Variants in LDHB observed in about 807,000 individuals in gnomAD.
LDHB encodes the protein lactate dehydrogenase B, also known as L-lactate dehydrogenase B chain.
In LDHB, 18 loss-of-function variants were observed where a neutral mutation model predicts 33.4. The ratio of observed to expected loss-of-function variants is 0.54; its 90% CI spans 0.37 to 0.80. The LOEUF is 0.80. LDHB is among the 30% of genes least tolerant of loss of function. The pLI is 0.00. For synonymous variants in LDHB, 121 were observed against 140.6 expected, an observed-to-expected ratio of 0.86 and a Z score of 0.98; for missense variants, 345 against 407.9, an observed-to-expected ratio of 0.85 and a Z score of 1.33.
intron 2 of LDHB, among the ~76,000 whole-genome samples, chr12:21,649,783 A>G (rs1938628831): frequency 6.6e-6 from 1 of 151,938 alleles, no homozygotes; most frequent in Non-Finnish European, 1.5e-5. Context: ...TTAATATTTG[A>G]TGGTTTCATT....
chr12:21,646,145 T>C (rs1173653274), intron 3 of LDHB, among the ~76,000 whole-genome samples: 1 of 152,170 alleles, frequency 6.6e-6, no homozygotes, highest in Non-Finnish European at 1.5e-5. Context: ...ATGGGAAGAC[T>C]AATTTTATAA....
chr12:21,653,032 T>G (rs991214256), intron 2 of LDHB, among the ~76,000 whole-genome samples: 2 of 152,192 alleles, frequency 1.3e-5, no homozygotes, highest in African/African-American at 4.8e-5. Flanking sequence ...GCATTTTTGT[T>G]GTTGTTTCTA....
chr12:21,653,615 T>C (rs1316838044), intron 2 of LDHB, among the ~76,000 whole-genome samples: 11 of 151,680 alleles, frequency 7.3e-5, no homozygotes. Flanking sequence ...TAGATCTCTG[T>C]ATCTATAAAT....
chr12:21,645,785 C>T (rs887907665), intron 3 of LDHB, among the ~76,000 whole-genome samples: 34 of 152,060 alleles, frequency 2.2e-4, no homozygotes, highest in Non-Finnish European at 1.0e-4. Flanking sequence ...AGACTGGTGC[C>T]GGCGTGGGTC....
Position 21,637,060 on chromosome 12 carries a change from G to A in LDHB, c.837+11C>T. ...AGAAATCATATTACATTTTGTGGTA[G>A]TTTGTCTTACCTTTACCATTGTTGA... On this transcript the variant is annotated intron_variant, in intron 7 of 7. Coordinates refer to ENST00000350669, the MANE Select transcript of LDHB (RefSeq NM_002300.8). The A allele has an allele frequency of 6.3e-7, 1 of 1,595,306 alleles. No individual in the cohort carries two copies. Among genetic ancestry groups the A allele is most frequent in the Non-Finnish European group, 8.6e-7 (1 of 1,165,218 alleles).
chr12:21,646,752 T>A lies in LDHB; in HGVS notation c.247+147A>T. The A allele has an allele frequency of 3.2e-6, 2 of 620,890 alleles. 1 individual carries two copies. Among genetic ancestry groups the A allele is most frequent in the Admixed American group, 5.4e-5 (2 of 36,836 alleles). 38.5% of individuals were successfully genotyped at this position (620,890 alleles called of 1,614,324 possible). On this transcript the variant is annotated intron_variant, in intron 3 of 7. Transcript: ENST00000350669. ...AATTTGCTAAACTACATTATAAATA[T>A]CTTATTAACAGTTATTGAAATAACT...
Position 21,654,438 on chromosome 12 carries a change from GA to G in LDHB, c.129+104del, listed in dbSNP as rs1591836654. ...ACATCTACAACTTCAAATTGCTCAG[GA>G]AAAAAAGAAATCTTTTAAAGATATA... is the stretch of plus-strand genomic sequence containing the variant. On this transcript the variant is annotated intron_variant, in intron 2 of 7. Coordinates refer to ENST00000350669, the MANE Select transcript of LDHB (RefSeq NM_002300.8). 13 of 1,145,032 alleles carry G rather than the reference GA, an allele frequency of 1.1e-5. No homozygotes were observed. In the East Asian group the frequency reaches 2.4e-4, roughly 21 times the overall value. The allele number at this position is 1,145,032 out of a possible 1,614,324, so 70.9% of individuals were successfully genotyped here. A position where few individuals can be genotyped will look rare whatever the true frequency, so the allele number is the denominator to read the frequency against.
intron 2 of LDHB, among the ~76,000 whole-genome samples, chr12:21,648,020 C>T (rs1358790376): frequency 1.0e-5 from 1 of 99,718 alleles, no homozygotes; most frequent in Non-Finnish European, 2.1e-5. Context: ...TCAATATCTA[C>T]ATAAAAGTGA....
intron 2 of LDHB, among the ~76,000 whole-genome samples, chr12:21,648,959 C>A (rs774180100): frequency 6.6e-6 from 1 of 152,162 alleles, no homozygotes; most frequent in East Asian, 1.9e-4. Context: ...CAAATACTGG[C>A]GTTAATTTTT....
chr12:21,639,912 A>G (rs1938323497), intron 5 of LDHB, among the ~76,000 whole-genome samples: 1 of 152,000 alleles, frequency 6.6e-6, no homozygotes, highest in Non-Finnish European at 1.5e-5. Flanking sequence ...AAAAAATCAG[A>G]AATAAATTAT....
At chr12:21,645,239 A>AAGGGC (rs1938487538) in intron 3 of LDHB, among the ~76,000 whole-genome samples, 1 of 151,866 alleles carries the variant, frequency 6.6e-6, no homozygotes, top group East Asian at 1.9e-4. Context: ...TACACTATGG[A>AAGGGC]AGGCCGCAGG....
chr12:21,651,292 T>C (rs1938682486), intron 2 of LDHB, among the ~76,000 whole-genome samples: 1 of 152,192 alleles, frequency 6.6e-6, no homozygotes, highest in African/African-American at 2.4e-5. Context: ...GTGTAGCATA[T>C]GTGCACTGTA....
chr12:21,638,356 TC>T lies in LDHB; in HGVS notation c.709del (p.Glu237LysfsTer9). The T allele has an allele frequency of 6.5e-7, 1 of 1,547,534 alleles. No individual in the cohort carries two copies. The highest frequency in any genetic ancestry group is 8.9e-7 in the Non-Finnish European group (1 of 1,119,982). ...AATCAAGTTCCCTTTCACTTACCTT[TC>T]AACCACCATCTTATGCACTTCCTTC... ...NWKEVHKMVV[E>X]SAYEVIKLKG... On this transcript the variant is annotated frameshift_variant, in exon 6 of 8. Coordinates refer to ENST00000350669, the MANE Select transcript of LDHB (RefSeq NM_002300.8). LOFTEE classifies it high-confidence loss of function.
intron 1 of LDHB, among the ~76,000 whole-genome samples, chr12:21,655,206 T>G (rs1938807652): frequency 6.6e-6 from 1 of 152,254 alleles, no homozygotes; most frequent in African/African-American, 2.4e-5. Flanking sequence ...CCATTAGAAT[T>G]GGATTTCTTC....
chr12:21,654,765 C>G, intron 1 of LDHB, 88 bp from the exon 2 acceptor site: 1 of 1,076,930 alleles, frequency 9.3e-7, no homozygotes, highest in African/African-American at 1.5e-5. Context: ...GTTGCAATTT[C>G]GAACTGAAGT....
chr12:21,648,552 G>T (rs1677107), intron 2 of LDHB, among the ~76,000 whole-genome samples: 1 of 151,566 alleles, frequency 6.6e-6, no homozygotes, highest in African/African-American at 2.4e-5. Context: ...GAGGGGCCAG[G>T]TAGGTAGGTA....
chr12:21,637,722 T>C (rs74066770), intron 6 of LDHB, among the ~76,000 whole-genome samples: 4,180 of 152,072 alleles, frequency 0.027, 171 homozygotes, highest in African/African-American at 0.092. Flanking sequence ...AGCTGAGTAT[T>C]GGAAAATTAG....
chr12:21,638,128 T>G (rs117038277), intron 6 of LDHB, among the ~76,000 whole-genome samples: 2,164 of 152,164 alleles, frequency 0.014, 20 homozygotes, highest in Non-Finnish European at 0.025. Context: ...ATTTTGCTCC[T>G]GTTACCTCTA....
chr12:21,637,563 G>T (rs944883251), intron 6 of LDHB, among the ~76,000 whole-genome samples: 7 of 152,014 alleles, frequency 4.6e-5, no homozygotes, highest in Admixed American at 4.6e-4. Context: ...TATCTCAATT[G>T]TGAGGTCCCA....
Sources: allele counts gnomAD v4.1 joint callset (sites outside exome capture counted in the v4.1 genomes callset), GRCh38; gene constraint gnomAD v4.1.1; transcripts MANE v1.5; gene names NCBI Gene and HGNC (gene_info 2026-07-23, HGNC 2026-07-21).